The following KLHL4 variants were observed in gnomAD, a reference collection of about 807,000 sequenced individuals.
The protein encoded by KLHL4 is kelch-like protein 4.
Under a neutral mutation model 45.8 loss-of-function variants are expected in KLHL4, and 17 were observed. The observed-to-expected ratio is 0.37, with a 90% confidence interval of 0.25 to 0.56. KLHL4 has a LOEUF of 0.56. KLHL4 is among the 20% of genes least tolerant of loss of function. KLHL4 has a pLI of 0.79. For missense variants in KLHL4, 544 were observed against 544.9 expected (o/e 1.00, Z 0.02); for synonymous variants, 224 against 189.9 (o/e 1.18, Z -1.47).
intron 1 of KLHL4, 41 bp downstream of exon 1, chrX:87,518,356 G>A (rs768932351): frequency 9.7e-7 from 1 of 1,028,736 alleles, no homozygotes; most frequent in Admixed American, 2.4e-5. Context: ...CGTAACTTCA[G>A]TTAACTTATC....
At chrX:87,541,951 C>G (rs889998698) in intron 1 of KLHL4, among the ~76,000 whole-genome samples, 1 of 111,802 alleles carries the variant, frequency 8.9e-6, no homozygotes, top group African/African-American at 3.3e-5. Flanking sequence ...GATAGAGATG[C>G]GGAACTCATT....
At chrX:87,518,441 T>A in intron 1 of KLHL4, 126 bp downstream of exon 1, 1 of 591,883 alleles carries the variant, frequency 1.7e-6, no homozygotes, top group Non-Finnish European at 2.6e-6. Flanking sequence ...CCAATCAGAG[T>A]CTCTCAGAAA....
At position 87,667,940 on chromosome X, in the gene KLHL4, T is replaced by C. The variant is rs1924426383; in HGVS notation, c.*1406T>C. On this transcript the variant is annotated 3_prime_UTR_variant, in exon 11 of 11. Coordinates refer to ENST00000373119, the MANE Select transcript of KLHL4 (RefSeq NM_019117.5). The stretch of plus-strand genomic sequence containing the variant: ...TAAACTTTATTTCCTCTCACTATAG[T>C]GTGGCTTTAGAATATATCAAGTACA... 1 of 698,561 alleles carries C rather than the reference T, an allele frequency of 1.4e-6. No homozygotes were observed. The highest frequency in any genetic ancestry group is 7.3e-5 in the South Asian group (1 of 13,665). The allele number at this position is 698,561 out of a possible 1,213,427, so 57.6% of individuals were successfully genotyped here.
intron 1 of KLHL4, among the ~76,000 whole-genome samples, chrX:87,608,918 C>G (rs1922283897): frequency 9.1e-6 from 1 of 110,175 alleles, no homozygotes; most frequent in Non-Finnish European, 1.9e-5. Flanking sequence ...CCTGCTCCCC[C>G]CACCCCACAA....
intron 1 of KLHL4, among the ~76,000 whole-genome samples, chrX:87,529,536 T>C (rs1931198474): frequency 8.9e-6 from 1 of 111,913 alleles, no homozygotes; most frequent in Admixed American, 9.5e-5. Flanking sequence ...GGAAAACTTT[T>C]CTGTAGTTCC....
chrX:87,603,790 AC>A (rs1379942932), intron 1 of KLHL4, among the ~76,000 whole-genome samples: 7 of 110,106 alleles, frequency 6.4e-5, no homozygotes, highest in Non-Finnish European at 1.3e-4. Flanking sequence ...TTTACAGTTA[AC>A]CACACTCACT....
chrX:87,667,061 A>G lies in KLHL4; in HGVS notation c.*527A>G. Reference sequence around the variant, plus strand: ...AGCTAAACAATTCCTTACATTTACCAAGAGGAAAGCTTTTACTGTGTTGAA... The same window carrying G: ...AGCTAAACAATTCCTTACATTTACCGAGAGGAAAGCTTTTACTGTGTTGAA... On this transcript the variant is annotated 3_prime_UTR_variant, in exon 11 of 11. Transcript: ENST00000373119. 2 of 725,375 alleles carry G rather than the reference A, an allele frequency of 2.8e-6. No homozygotes were observed. Among genetic ancestry groups the G allele is most frequent in the Non-Finnish European group, 3.2e-6 (2 of 622,066 alleles). 59.8% of individuals were successfully genotyped at this position (725,375 alleles called of 1,213,427 possible). A position where few individuals can be genotyped will look rare whatever the true frequency, so the allele number is the denominator to read the frequency against.
chrX:87,657,470 A>G (rs1210105648), intron 9 of KLHL4, among the ~76,000 whole-genome samples: 1 of 111,769 alleles, frequency 8.9e-6, no homozygotes, highest in African/African-American at 3.3e-5. Context: ...ACTTGCTCAA[A>G]TGCCAGTTGT....
At chrX:87,556,615 G>A (rs1326715280) in intron 1 of KLHL4, among the ~76,000 whole-genome samples, 3 of 110,112 alleles carry the variant, frequency 2.7e-5, no homozygotes, top group Non-Finnish European at 3.8e-5. Context: ...CATGGCACAT[G>A]TATACATATG....
intron 1 of KLHL4, among the ~76,000 whole-genome samples, chrX:87,605,450 G>T (rs1469204732): frequency 9.1e-6 from 1 of 109,691 alleles, no homozygotes. Flanking sequence ...CTCTCTTATA[G>T]TTCTTATTTG....
chrX:87,537,238 A>G (rs751870041), intron 1 of KLHL4, among the ~76,000 whole-genome samples: 105 of 111,381 alleles, frequency 9.4e-4, no homozygotes, highest in African/African-American at 3.2e-3. Flanking sequence ...CTTAGTTAAT[A>G]TGTGGAAACC....
chrX:87,548,192 G>A (rs1175692567), intron 1 of KLHL4, among the ~76,000 whole-genome samples: 1 of 112,029 alleles, frequency 8.9e-6, no homozygotes, highest in Non-Finnish European at 1.9e-5. Context: ...CAGGCCAGGA[G>A]AGAGTGGCAT....
chrX:87,639,023 C>CA (rs201448078), intron 9 of KLHL4, among the ~76,000 whole-genome samples: 2,266 of 110,354 alleles, frequency 0.021, 25 homozygotes, highest in Middle Eastern at 0.07. Context: ...AAAATGGACA[C>CA]AAAAAAATGA....
intron 9 of KLHL4, among the ~76,000 whole-genome samples, chrX:87,654,489 ATGTGTG>A (rs59086766): frequency 9.4e-6 from 1 of 106,768 alleles, no homozygotes; most frequent in African/African-American, 3.4e-5. Context: ...GTGTATGTAT[ATGTGTG>A]TGTGTGTGTG....
intron 7 of KLHL4, 130 bp downstream of exon 7, chrX:87,632,564 T>G (rs1213317854): frequency 2.1e-5 from 9 of 431,376 alleles, no homozygotes; most frequent in South Asian, 5.5e-5. Flanking sequence ...GATGAAAAAC[T>G]TAAGGAAATG....
chrX:87,581,001 T>A (rs1190725225), intron 1 of KLHL4, among the ~76,000 whole-genome samples: 4 of 112,174 alleles, frequency 3.6e-5, no homozygotes, highest in Non-Finnish European at 7.5e-5. Flanking sequence ...AGGTTGATTG[T>A]TTGGACAACT....
intron 3 of KLHL4, 107 bp downstream of exon 3, chrX:87,614,677 A>G: frequency 4.5e-6 from 3 of 672,912 alleles, no homozygotes; most frequent in East Asian, 7.2e-5. Context: ...ACTATTCTTC[A>G]TAGTAGTAAT....
chrX:87,522,030 G>A (rs771807463), intron 1 of KLHL4, among the ~76,000 whole-genome samples: 8 of 112,550 alleles, frequency 7.1e-5, no homozygotes, highest in Non-Finnish European at 1.5e-4. Context: ...TTAACAAAAC[G>A]ATTCAGATAG....
At chrX:87,635,841 AT>A (rs1235512980) in intron 9 of KLHL4, 66 bp downstream of exon 9, 16 of 839,002 alleles carry the variant, frequency 1.9e-5, no homozygotes, top group African/African-American at 1.0e-4. Flanking sequence ...AAATAGAAAG[AT>A]TTTTTTTCTT....
Sources: gnomAD v4.1 joint callset for allele counts (sites outside exome capture counted in the v4.1 genomes callset) on GRCh38, gnomAD v4.1.1 for gene constraint, MANE v1.5 for transcripts, NCBI Gene and HGNC (gene_info 2026-07-23, HGNC 2026-07-21) for gene names.